NPAS3: variants seen among roughly 807,000 people sequenced by gnomAD.
NPAS3 encodes the protein neuronal PAS domain protein 3.
In NPAS3, 14 loss-of-function variants were observed where a neutral mutation model predicts 73.1. The ratio of observed to expected loss-of-function variants is 0.19; its 90% CI spans 0.13 to 0.30. The LOEUF (loss-of-function observed/expected upper bound fraction) is 0.30. NPAS3 is among the 10% of genes least tolerant of loss of function. The pLI is 1.00. For missense variants in NPAS3, 1,096 were observed against 1,250.0 expected (o/e 0.88, Z 1.86); for synonymous variants, 620 against 541.5 (o/e 1.14, Z -2.01).
At chr14:33,513,119 C>T (rs1018134467) in intron 4 of NPAS3, among the ~76,000 whole-genome samples, 2 of 152,148 alleles carry the variant, frequency 1.3e-5, no homozygotes, top group Non-Finnish European at 1.5e-5. Flanking sequence ...GGACCGTTCA[C>T]TCATTGACAG....
chr14:33,686,523 C>T (rs560096989), intron 6 of NPAS3, among the ~76,000 whole-genome samples: 1 of 152,320 alleles, frequency 6.6e-6, no homozygotes, highest in African/African-American at 2.4e-5. Context: ...TACTCATTGA[C>T]TACTCACCAC....
chr14:33,000,772 T>G (rs2038777908), intron 1 of NPAS3, among the ~76,000 whole-genome samples: 2 of 152,216 alleles, frequency 1.3e-5, no homozygotes, highest in South Asian at 4.1e-4. Context: ...GGAAAATTAT[T>G]GCAAGGACTA....
intron 3 of NPAS3, among the ~76,000 whole-genome samples, chr14:33,312,087 G>C (rs1283027687): frequency 6.6e-6 from 1 of 152,234 alleles, no homozygotes; most frequent in East Asian, 1.9e-4. Context: ...ACAGTAGTCA[G>C]AGCTCTGGTC....
chr14:33,039,898 T>C (rs192377053), intron 1 of NPAS3, among the ~76,000 whole-genome samples: 2 of 152,214 alleles, frequency 1.3e-5, no homozygotes, highest in South Asian at 4.1e-4. Context: ...ACAAGGTATA[T>C]TTGTATGTTT....
chr14:33,088,670 G>T (rs1337970021), intron 2 of NPAS3, among the ~76,000 whole-genome samples: 1 of 151,988 alleles, frequency 6.6e-6, no homozygotes, highest in African/African-American at 2.4e-5. Context: ...CAGCTTTGAA[G>T]AGAGTAGTGG....
chr14:33,328,598 C>T (rs181216008), intron 3 of NPAS3, among the ~76,000 whole-genome samples: 35 of 151,300 alleles, frequency 2.3e-4, no homozygotes, highest in African/African-American at 7.0e-4. Context: ...GTTGGGATTA[C>T]AGGCGCCCGC....
At chr14:33,093,847 T>G (rs1287320840) in intron 2 of NPAS3, among the ~76,000 whole-genome samples, 1 of 152,078 alleles carries the variant, frequency 6.6e-6, no homozygotes, top group Non-Finnish European at 1.5e-5. Context: ...GAAACCATCA[T>G]TCTGAGCAAA....
At chr14:33,466,877 C>T (rs557615780) in intron 4 of NPAS3, among the ~76,000 whole-genome samples, 41 of 152,196 alleles carry the variant, frequency 2.7e-4, no homozygotes, top group African/African-American at 9.2e-4. Flanking sequence ...GCCCCACCTC[C>T]GACACTGGGG....
At chr14:33,136,291 C>T (rs573828174) in intron 2 of NPAS3, among the ~76,000 whole-genome samples, 32 of 152,092 alleles carry the variant, frequency 2.1e-4, no homozygotes, top group Non-Finnish European at 4.0e-4. Context: ...AATCTCCTGA[C>T]CTCGTGATCC....
intron 1 of NPAS3, among the ~76,000 whole-genome samples, chr14:33,038,922 G>T (rs1008761980): frequency 1.3e-5 from 2 of 152,174 alleles, no homozygotes; most frequent in Non-Finnish European, 2.9e-5. Context: ...CCAGGATGAA[G>T]TTTGGTATGA....
intron 5 of NPAS3, among the ~76,000 whole-genome samples, chr14:33,607,156 C>G (rs1051945136): frequency 6.6e-6 from 1 of 152,168 alleles, no homozygotes; most frequent in African/African-American, 2.4e-5. Context: ...TATGACCTAG[C>G]TGTTCCACTC....
chr14:32,935,531 T>C (rs977993000), upstream of NPAS3, among the ~76,000 whole-genome samples: 5 of 152,228 alleles, frequency 3.3e-5, no homozygotes, highest in African/African-American at 1.2e-4. Flanking sequence ...CAGCATGAAA[T>C]CCGAGTCTCT....
intron 2 of NPAS3, among the ~76,000 whole-genome samples, chr14:33,160,047 GTAGC>G (rs2044804374): frequency 6.6e-6 from 1 of 152,068 alleles, no homozygotes; most frequent in African/African-American, 2.4e-5. Context: ...TAAAAGCATT[GTAGC>G]TAGCTAGTTT....
At chr14:33,073,518 G>A (rs886714414) in intron 2 of NPAS3, among the ~76,000 whole-genome samples, 1 of 152,124 alleles carries the variant, frequency 6.6e-6, no homozygotes, top group African/African-American at 2.4e-5. Flanking sequence ...TTTCAGTTCT[G>A]TACAAGTCCA....
chr14:33,746,199 A>ATTTTTTT (rs1555326917), intron 7 of NPAS3, among the ~76,000 whole-genome samples: 23 of 149,028 alleles, frequency 1.5e-4, no homozygotes, highest in African/African-American at 4.8e-4. Context: ...TTATTTATTT[A>ATTTTTTT]TTTTTTTGAG....
intron 5 of NPAS3, chr14:33,578,188 C>G (rs2056519778): frequency 2.2e-6 from 1 of 455,796 alleles, no homozygotes. Context: ...ACTACCAACA[C>G]CTTTGTTTTT....
intron 2 of NPAS3, among the ~76,000 whole-genome samples, chr14:33,085,954 A>G (rs958321067): frequency 6.6e-6 from 1 of 152,180 alleles, no homozygotes; most frequent in Non-Finnish European, 1.5e-5. Flanking sequence ...GCACTCATAA[A>G]AAAGATTTAC....
At chr14:33,156,525 C>T (rs958470391) in intron 2 of NPAS3, among the ~76,000 whole-genome samples, 1 of 152,104 alleles carries the variant, frequency 6.6e-6, no homozygotes, top group African/African-American at 2.4e-5. Context: ...TTTAAATTCC[C>T]TTAATTATTT....
chr14:33,473,598 TCTG>T (rs1356151193), intron 4 of NPAS3, among the ~76,000 whole-genome samples: 2 of 152,204 alleles, frequency 1.3e-5, no homozygotes, highest in African/African-American at 2.4e-5. Flanking sequence ...GAGTTAATAA[TCTG>T]CTGAGAAAAC....
Sources: allele counts gnomAD v4.1 joint callset (sites outside exome capture counted in the v4.1 genomes callset), GRCh38; gene constraint gnomAD v4.1.1; transcripts MANE v1.5; gene names NCBI Gene and HGNC (gene_info 2026-07-23, HGNC 2026-07-21).